LRP1B: variants seen among roughly 807,000 people sequenced by gnomAD.
The protein encoded by LRP1B is low-density lipoprotein receptor-related protein 1B.
In LRP1B, 217 loss-of-function variants were observed where a neutral mutation model predicts 556.6. The observed-to-expected ratio is 0.39, with a 90% CI of 0.35 to 0.44. LRP1B has a LOEUF of 0.44. Among genes scored for constraint, LRP1B ranks in the 20% least tolerant of loss-of-function variants. LRP1B has a pLI of 1.00. For synonymous variants in LRP1B, 2,047 were observed against 1,865.8 expected, an observed-to-expected ratio of 1.10 and a Z score of -2.50; for missense variants, 5,053 against 5,620.8, an observed-to-expected ratio of 0.90 and a Z score of 3.23.
intron 32 of LRP1B, among the ~76,000 whole-genome samples, chr2:140,800,001 A>T (rs1262077736): frequency 6.6e-6 from 1 of 152,128 alleles, no homozygotes; most frequent in Non-Finnish European, 1.5e-5. Flanking sequence ...GAATTCCCAA[A>T]TGTCCATCAA....
chr2:141,057,286 C>T lies in LRP1B; in HGVS notation c.1408+1597G>A, dbSNP rs550093317. On this transcript the variant is annotated intron_variant, in intron 9 of 90. Transcript: ENST00000389484. ...TCTACAGAGCCCTACTTGTTATGGT[C>T]CTCCTTTGTTTCTCCAGCCTTATTT... 6.6e-5 allele frequency among the ~76,000 whole-genome samples: 10 copies of T among 151,956 alleles called. No homozygotes were observed. The South Asian group carries it at 2.1e-3, about 32-fold the overall frequency.
At chr2:140,252,554 C>A (rs575769366) in intron 86 of LRP1B, among the ~76,000 whole-genome samples, 1 of 152,018 alleles carries the variant, frequency 6.6e-6, no homozygotes, top group African/African-American at 2.4e-5. Context: ...ATGACAATGC[C>A]ATGATCCTTT....
At chr2:141,418,253 T>C (rs1679993337) in intron 3 of LRP1B, among the ~76,000 whole-genome samples, 1 of 152,180 alleles carries the variant, frequency 6.6e-6, no homozygotes, top group Non-Finnish European at 1.5e-5. Context: ...GTAATCTCAC[T>C]TGTCTATTTT....
intron 6 of LRP1B, among the ~76,000 whole-genome samples, chr2:141,220,984 T>C (rs1683012789): frequency 6.6e-6 from 1 of 152,050 alleles, no homozygotes; most frequent in African/African-American, 2.4e-5. Flanking sequence ...CCAATGACAC[T>C]ATGAAGCAAC....
At chr2:141,899,743 C>G (rs970641704) in intron 1 of LRP1B, among the ~76,000 whole-genome samples, 1 of 152,068 alleles carries the variant, frequency 6.6e-6, no homozygotes, top group African/African-American at 2.4e-5. Context: ...GGAAGAGCTC[C>G]TTTTGATAAT....
intron 3 of LRP1B, among the ~76,000 whole-genome samples, chr2:141,325,999 C>A (rs1370093770): frequency 4.6e-5 from 7 of 151,986 alleles, no homozygotes; most frequent in Admixed American, 1.3e-4. Context: ...AATCCTATTG[C>A]AAGGTTTAAG....
chr2:141,237,485 C>T (rs1683692075), intron 5 of LRP1B, among the ~76,000 whole-genome samples: 1 of 151,852 alleles, frequency 6.6e-6, no homozygotes, highest in Non-Finnish European at 1.5e-5. Flanking sequence ...GGACTATAGG[C>T]ATGAGCCACT....
At chr2:140,775,206 C>T (rs566354991) in intron 33 of LRP1B, among the ~76,000 whole-genome samples, 7 of 151,876 alleles carry the variant, frequency 4.6e-5, no homozygotes, top group Non-Finnish European at 7.4e-5. Context: ...GTGCAGGCAG[C>T]GCTCTCAATT....
intron 32 of LRP1B, among the ~76,000 whole-genome samples, chr2:140,792,539 C>T (rs1029013544): frequency 3.3e-5 from 5 of 152,066 alleles, no homozygotes; most frequent in African/African-American, 1.2e-4. Flanking sequence ...AGACCTTGTT[C>T]TAAATATGTC....
chr2:140,817,233 T>G (rs1280267907), intron 31 of LRP1B, among the ~76,000 whole-genome samples: 1 of 152,114 alleles, frequency 6.6e-6, no homozygotes, highest in Non-Finnish European at 1.5e-5. Flanking sequence ...CAGTCTCATT[T>G]TTATAAGACA....
intron 28 of LRP1B, among the ~76,000 whole-genome samples, chr2:140,851,294 CT>C (rs1336608860): frequency 6.6e-6 from 1 of 152,096 alleles, no homozygotes; most frequent in Non-Finnish European, 1.5e-5. Flanking sequence ...TTAAGCGCCT[CT>C]TTGTTATGCA....
At chr2:140,369,251 A>C (rs958278961) in intron 71 of LRP1B, among the ~76,000 whole-genome samples, 2 of 151,922 alleles carry the variant, frequency 1.3e-5, no homozygotes, top group East Asian at 3.9e-4. Context: ...CACTTACATA[A>C]GATGAACCTT....
intron 6 of LRP1B, among the ~76,000 whole-genome samples, chr2:141,206,377 C>T (rs1469737589): frequency 6.6e-6 from 1 of 151,842 alleles, no homozygotes; most frequent in African/African-American, 2.4e-5. Context: ...GTCAGCAGAT[C>T]GAGACCATCC....
At chr2:140,884,856 G>A (rs76506010) in intron 24 of LRP1B, among the ~76,000 whole-genome samples, 5,959 of 152,184 alleles carry the variant, frequency 0.039, 183 homozygotes, top group South Asian at 0.092. Context: ...AGGACTACAG[G>A]TGCACACAAC....
At position 140,366,515 on chromosome 2, in the gene LRP1B, T is replaced by C. The variant is rs373599812; in HGVS notation, c.11009-1732A>G. Among the ~76,000 whole-genome samples the C allele has an allele frequency of 5.9e-5, 9 of 151,690 alleles. No homozygotes were observed. The East Asian group carries it at 1.4e-3, about 23-fold the overall frequency. ...TGTGCATCTGGCAGTGATCAGAATA[T>C]AGTTATGATTTGAAGTTTAAAAGAG... On this transcript the variant is annotated intron_variant, in intron 71 of 90. Transcript: ENST00000389484.
chr2:140,872,848 CAA>C (rs1414925766), intron 25 of LRP1B, among the ~76,000 whole-genome samples: 1 of 146,156 alleles, frequency 6.8e-6, no homozygotes, highest in Non-Finnish European at 1.5e-5. Flanking sequence ...AAGTCTAAGA[CAA>C]GAAAAAAAAA....
chr2:140,890,220 A>T (rs1693759675), intron 23 of LRP1B, among the ~76,000 whole-genome samples: 1 of 152,158 alleles, frequency 6.6e-6, no homozygotes, highest in South Asian at 2.1e-4. Context: ...CAGATACACC[A>T]GGCTCTCAAA....
intron 76 of LRP1B, among the ~76,000 whole-genome samples, chr2:140,351,920 G>A (rs1314084764): frequency 1.1e-4 from 16 of 152,032 alleles, no homozygotes; most frequent in Admixed American, 1.0e-3. Flanking sequence ...ACACTTTAGT[G>A]AATTCCTTGA....
rs2105373757 is a variant in LRP1B at position 141,005,390 on chromosome 2, C to T, written c.2448G>A (p.Arg816=). 1.9e-6 allele frequency: 3 copies of T among 1,611,178 alleles called. No homozygotes were observed. Among genetic ancestry groups the T allele is most frequent in the East Asian group, 2.2e-5 (1 of 44,672 alleles). ...STLCLAIPGG[R]VCACADNQLL... The stretch of plus-strand genomic sequence containing the variant: ...GTTGATTATCGGCACAAGCACACAC[C>T]CGGCCTCCTGGGATAGCCAAGCAAA... The change falls in exon 15 of 91, where the codon CGG becomes CGA. Residue 816 remains arginine (R), a synonymous_variant. Coordinates refer to ENST00000389484, the MANE Select transcript of LRP1B (RefSeq NM_018557.3).
Sources: allele counts gnomAD v4.1 joint callset (sites outside exome capture counted in the v4.1 genomes callset), GRCh38; gene constraint gnomAD v4.1.1; transcripts MANE v1.5; gene names NCBI Gene and HGNC (gene_info 2026-07-23, HGNC 2026-07-21).